The following VWDE variants were observed in gnomAD, a reference collection of about 807,000 sequenced individuals.
VWDE encodes the protein von Willebrand factor D and EGF domains.
Under a neutral mutation model 178.4 loss-of-function variants are expected in VWDE, and 207 were observed. That is an observed-to-expected ratio of 1.16 (90% CI 1.04 to 1.30). VWDE has a LOEUF of 1.30. Ranked by LOEUF, VWDE falls within the 50% of genes most tolerant of loss-of-function variation. VWDE has a pLI of 0.00. For synonymous variants in VWDE, 738 were observed against 651.4 expected (o/e 1.13, Z -2.02); for missense variants, 2,287 against 1,901.3 (o/e 1.20, Z -3.77).
At chr7:12,396,187 G>A (rs1784614535) in intron 1 of VWDE, among the ~76,000 whole-genome samples, 1 of 151,988 alleles carries the variant, frequency 6.6e-6, no homozygotes, top group Admixed American at 6.6e-5. Flanking sequence ...CTATATATGA[G>A]GTAACCTGTA....
At chr7:12,372,601 T>C (rs570653094) in intron 10 of VWDE, among the ~76,000 whole-genome samples, 18 of 152,142 alleles carry the variant, frequency 1.2e-4, no homozygotes, top group Non-Finnish European at 2.6e-4. Context: ...CTTCATATTC[T>C]ATTACACTTA....
At chr7:12,354,938 A>C (rs1310962563) in intron 18 of VWDE, among the ~76,000 whole-genome samples, 1 of 152,096 alleles carries the variant, frequency 6.6e-6, no homozygotes, top group Non-Finnish European at 1.5e-5. Flanking sequence ...CCTTAATCAA[A>C]GTTTTTGAGT....
At chr7:12,347,758 A>G (rs917864457) in intron 19 of VWDE, among the ~76,000 whole-genome samples, 1 of 152,088 alleles carries the variant, frequency 6.6e-6, no homozygotes. Context: ...AAGAGCCCAC[A>G]TCGCCAAGTC....
chr7:12,342,249 T>A, intron 22 of VWDE, 95 bp from the exon 23 acceptor site: 1 of 806,844 alleles, frequency 1.2e-6, no homozygotes, highest in Non-Finnish European at 1.9e-6. Flanking sequence ...TAATCACATC[T>A]GCTAATTAAT....
At chr7:12,363,628 T>C (rs1782698378) in intron 13 of VWDE, among the ~76,000 whole-genome samples, 1 of 152,010 alleles carries the variant, frequency 6.6e-6, no homozygotes, top group Non-Finnish European at 1.5e-5. Context: ...CAAAGAAATA[T>C]AGTAAGGATT....
Position 12,344,418 on chromosome 7 carries a change from A to C in VWDE, c.3938T>G (p.Ile1313Ser). Residue 1313 changes from isoleucine to serine, a missense_variant, in exon 20 of 29, where the codon ATC (isoleucine) becomes AGC (serine). Transcript: ENST00000275358. Reference sequence around the variant, plus strand: ...AATGTAACCAGGTTTACATTTGCAGATGTTTGGGGCAACACACTCCCTACT... The same window carrying C: ...AATGTAACCAGGTTTACATTTGCAGCTGTTTGGGGCAACACACTCCCTACT... ...GKSRECVAPNICKCKPGYIGS... is the reference protein window; with the variant it reads ...GKSRECVAPNSCKCKPGYIGS... The C allele has an allele frequency of 6.4e-7, 1 of 1,551,044 alleles. No homozygotes were observed. Among genetic ancestry groups the C allele is most frequent in the Non-Finnish European group, 8.7e-7 (1 of 1,146,606 alleles).
At position 12,379,644 on chromosome 7, in the gene VWDE, T is replaced by C. The variant is rs1211259645; in HGVS notation, c.790-78A>G. On this transcript the variant is annotated intron_variant, in intron 5 of 28. Transcript: ENST00000275358. ...GTGTAAATTATCACTTTTAAAATCC[T>C]AAATTTAATTCTTCATAGATAGTAT... is the stretch of plus-strand genomic sequence containing the variant. 7 of 999,612 alleles carry C rather than the reference T, an allele frequency of 7.0e-6. No homozygotes were observed. The Admixed American group carries it at 1.3e-4, about 19-fold the overall frequency. 61.9% of individuals were successfully genotyped at this position (999,612 alleles called of 1,614,324 possible).
intron 16 of VWDE, among the ~76,000 whole-genome samples, chr7:12,358,067 T>G (rs185759379): frequency 6.6e-6 from 1 of 152,188 alleles, no homozygotes; most frequent in African/African-American, 2.4e-5. Context: ...AGTGGCTGAG[T>G]GCACACACTA....
At chr7:12,361,336 T>A (rs1782566965) in intron 14 of VWDE, 30 bp downstream of exon 14, 2 of 1,543,916 alleles carry the variant, frequency 1.3e-6, no homozygotes, top group Non-Finnish European at 1.7e-6. Flanking sequence ...ACTTTGTTTA[T>A]AAATATGAAG....
At chr7:12,363,508 G>T (rs1241660175) in intron 13 of VWDE, among the ~76,000 whole-genome samples, 4 of 151,954 alleles carry the variant, frequency 2.6e-5, no homozygotes, top group Non-Finnish European at 5.9e-5. Context: ...TTAAGTGGTT[G>T]AATCTCTAGC....
At chr7:12,399,067 A>T (rs186505031) in intron 1 of VWDE, among the ~76,000 whole-genome samples, 140 of 152,028 alleles carry the variant, frequency 9.2e-4, no homozygotes, top group East Asian at 2.3e-3. Context: ...GATTTTTTTT[A>T]AAAAAAATAG....
At chr7:12,342,271 G>A (rs1781375260) in intron 22 of VWDE, 117 bp from the exon 23 acceptor site, 3 of 632,706 alleles carry the variant, frequency 4.7e-6, no homozygotes, top group Non-Finnish European at 7.8e-6. Context: ...AGATTGCAGA[G>A]AAAGATAAAA....
At chr7:12,342,359 G>A (rs1250874458) in intron 22 of VWDE, among the ~76,000 whole-genome samples, 6 of 151,996 alleles carry the variant, frequency 3.9e-5, no homozygotes. Flanking sequence ...TTAATAGAGA[G>A]GGAAAAAATA....
At chr7:12,350,406 C>G (rs1250658592) in intron 19 of VWDE, among the ~76,000 whole-genome samples, 1 of 151,586 alleles carries the variant, frequency 6.6e-6, no homozygotes, top group Non-Finnish European at 1.5e-5. Flanking sequence ...ATAAATGATG[C>G]TGAAAAAGCG....
chr7:12,388,492 C>G (rs527503774), intron 3 of VWDE, among the ~76,000 whole-genome samples: 2 of 152,180 alleles, frequency 1.3e-5, no homozygotes, highest in East Asian at 3.9e-4. Flanking sequence ...GAAGTAGTAG[C>G]AACAATAATT....
At chr7:12,335,402 A>C (rs897460414) in intron 27 of VWDE, among the ~76,000 whole-genome samples, 5 of 152,206 alleles carry the variant, frequency 3.3e-5, no homozygotes, top group Non-Finnish European at 7.3e-5. Context: ...ACTCTAAAAA[A>C]GCAACCGAAA....
At chr7:12,358,373 C>CAAAA (rs112383586) in intron 16 of VWDE, among the ~76,000 whole-genome samples, 1 of 146,438 alleles carries the variant, frequency 6.8e-6, no homozygotes, top group Non-Finnish European at 1.5e-5. Flanking sequence ...GATTCTGTCT[C>CAAAA]AAAAAATAAA....
chr7:12,340,746 C>A (rs1427759435), intron 23 of VWDE, among the ~76,000 whole-genome samples: 1 of 152,122 alleles, frequency 6.6e-6, no homozygotes, highest in Non-Finnish European at 1.5e-5. Flanking sequence ...ATTCAGAATG[C>A]CTTCACTAAG....
chr7:12,393,051 T>C (rs1784459540), intron 2 of VWDE, among the ~76,000 whole-genome samples: 1 of 152,174 alleles, frequency 6.6e-6, no homozygotes, highest in South Asian at 2.1e-4. Flanking sequence ...AGAAAATACC[T>C]GGAGATTTCA....
Sources: allele counts gnomAD v4.1 joint callset (sites outside exome capture counted in the v4.1 genomes callset), GRCh38; gene constraint gnomAD v4.1.1; transcripts MANE v1.5; gene names NCBI Gene and HGNC (gene_info 2026-07-23, HGNC 2026-07-21).